TAS2R1: variants seen among roughly 807,000 people sequenced by gnomAD.
TAS2R1 encodes the protein taste receptor type 2 member 1.
For synonymous variants in TAS2R1, 141 were observed against 134.2 expected, an observed-to-expected ratio of 1.05 and a Z score of -0.35; for missense variants, 370 against 353.4, an observed-to-expected ratio of 1.05 and a Z score of -0.38.
the TAS2R1 span, among the ~76,000 whole-genome samples, chr5:9,774,028 C>A: frequency 6.6e-6 from 1 of 152,116 alleles, no homozygotes; most frequent in East Asian, 1.9e-4. Flanking sequence ...CTTTTTCCAC[C>A]TCCTCTTTAA....
the TAS2R1 span, among the ~76,000 whole-genome samples, chr5:9,810,136 G>A: frequency 1.2e-4 from 19 of 152,224 alleles, no homozygotes; most frequent in African/African-American, 4.1e-4. Context: ...ATGTGTGCTA[G>A]GGGAAGCTAT....
the TAS2R1 span, among the ~76,000 whole-genome samples, chr5:9,799,672 C>T: frequency 6.6e-6 from 1 of 152,172 alleles, no homozygotes; most frequent in Non-Finnish European, 1.5e-5. Flanking sequence ...CCCAATTAAG[C>T]ATTTAAGTCA....
chr5:9,687,823 C>T (rs1172408072), intron 1 of TAS2R1, among the ~76,000 whole-genome samples: 3 of 152,180 alleles, frequency 2.0e-5, no homozygotes, highest in Non-Finnish European at 4.4e-5. Flanking sequence ...CTTCATTTCC[C>T]TTTCCCATAA....
At chr5:9,677,986 G>C (rs1740909156) in intron 1 of TAS2R1, among the ~76,000 whole-genome samples, 1 of 152,100 alleles carries the variant, frequency 6.6e-6, no homozygotes, top group Admixed American at 6.5e-5. Flanking sequence ...AAGATTGCTT[G>C]AGCCCAGGAG....
chr5:9,686,029 G>A (rs111274199), intron 1 of TAS2R1, among the ~76,000 whole-genome samples: 175 of 151,922 alleles, frequency 1.2e-3, no homozygotes, highest in African/African-American at 4.1e-3. Flanking sequence ...TTATGCCCAG[G>A]TAATTTTATA....
the TAS2R1 span, among the ~76,000 whole-genome samples, chr5:9,896,017 T>C: frequency 6.6e-6 from 1 of 152,230 alleles, no homozygotes; most frequent in African/African-American, 2.4e-5. Context: ...ATGTTATAAC[T>C]AGCTTCTTAG....
At chr5:9,638,707 T>G (rs78967222) in intron 2 of TAS2R1, among the ~76,000 whole-genome samples, 38 of 152,168 alleles carry the variant, frequency 2.5e-4, no homozygotes, top group African/African-American at 8.7e-4. Flanking sequence ...GTCTTGAGTT[T>G]GGCTACCAGG....
At chr5:9,644,074 G>A (rs906329056) in intron 2 of TAS2R1, among the ~76,000 whole-genome samples, 2 of 152,174 alleles carry the variant, frequency 1.3e-5, no homozygotes, top group African/African-American at 2.4e-5. Flanking sequence ...CAGAGAGGAA[G>A]TTAGAGGGGA....
At chr5:9,855,429 G>A in the TAS2R1 span, among the ~76,000 whole-genome samples, 4 of 152,234 alleles carry the variant, frequency 2.6e-5, no homozygotes, top group African/African-American at 9.6e-5. Flanking sequence ...TTGACAATGA[G>A]TCAAGAGTGA....
the TAS2R1 span, among the ~76,000 whole-genome samples, chr5:9,858,915 T>G: frequency 1.3e-5 from 2 of 152,182 alleles, no homozygotes; most frequent in Non-Finnish European, 2.9e-5. Flanking sequence ...CAAGAATTAG[T>G]AGGTAGCAGA....
the TAS2R1 span, among the ~76,000 whole-genome samples, chr5:9,744,325 G>A: frequency 1.3e-5 from 2 of 152,118 alleles, no homozygotes; most frequent in African/African-American, 4.8e-5. Context: ...TGGGTCATAG[G>A]TACTCTGTCA....
At chr5:9,837,494 T>A in the TAS2R1 span, among the ~76,000 whole-genome samples, 3 of 152,340 alleles carry the variant, frequency 2.0e-5, no homozygotes, top group South Asian at 6.2e-4. Context: ...CCTAAATTGT[T>A]CCTGGATCTA....
the TAS2R1 span, among the ~76,000 whole-genome samples, chr5:9,848,499 G>A: frequency 5.3e-5 from 8 of 152,136 alleles, no homozygotes; most frequent in African/African-American, 1.9e-4. Context: ...TTGACACGAT[G>A]AATAAGCTCT....
the TAS2R1 span, among the ~76,000 whole-genome samples, chr5:9,791,889 A>C: frequency 6.6e-6 from 1 of 152,176 alleles, no homozygotes; most frequent in East Asian, 1.9e-4. Context: ...AAACAGAGCT[A>C]TCTGAGCTCT....
the TAS2R1 span, among the ~76,000 whole-genome samples, chr5:9,895,208 A>G: frequency 6.6e-6 from 1 of 152,232 alleles, no homozygotes; most frequent in Non-Finnish European, 1.5e-5. Flanking sequence ...GCTTCTGCAG[A>G]AGAGCTGGGA....
chr5:9,679,120 G>A (rs949288784), intron 1 of TAS2R1, among the ~76,000 whole-genome samples: 8 of 152,224 alleles, frequency 5.3e-5, no homozygotes, highest in South Asian at 4.2e-4. Flanking sequence ...ATGCTACATC[G>A]TGTATGATTC....
the TAS2R1 span, among the ~76,000 whole-genome samples, chr5:9,844,300 T>C: frequency 1.3e-5 from 2 of 152,208 alleles, no homozygotes; most frequent in Admixed American, 6.5e-5. Flanking sequence ...TAATGACTTA[T>C]AAATTCCTGA....
intron 1 of TAS2R1, among the ~76,000 whole-genome samples, chr5:9,691,576 T>C (rs1421575458): frequency 1.3e-5 from 2 of 152,170 alleles, no homozygotes; most frequent in South Asian, 2.1e-4. Flanking sequence ...TTATTTCATA[T>C]CGTAAGGAAA....
At chr5:9,674,100 T>C (rs565416290) in intron 1 of TAS2R1, among the ~76,000 whole-genome samples, 8 of 152,228 alleles carry the variant, frequency 5.3e-5, no homozygotes, top group Non-Finnish European at 8.8e-5. Flanking sequence ...CTATCTTCTC[T>C]AGTTTCCAAT....
Sources: allele counts gnomAD v4.1 joint callset (sites outside exome capture counted in the v4.1 genomes callset), GRCh38; gene constraint gnomAD v4.1.1; transcripts MANE v1.5; gene names NCBI Gene and HGNC (gene_info 2026-07-23, HGNC 2026-07-21).